Variants in LYSMD1 observed in about 807,000 individuals in gnomAD.
The protein encoded by LYSMD1 is LysM domain containing 1, also known as lysM and putative peptidoglycan-binding domain-containing protein 1.
Under a neutral mutation model 19.3 loss-of-function variants are expected in LYSMD1, and 9 were observed. That is an observed-to-expected ratio of 0.47 (90% confidence interval 0.28 to 0.81). The LOEUF is 0.81. Ranked by LOEUF, LYSMD1 falls within the 40% of genes least tolerant of loss-of-function variation. The pLI, the probability that LYSMD1 is intolerant of heterozygous loss-of-function variation, is 0.11. For synonymous variants in LYSMD1, 111 were observed against 111.7 expected, an observed-to-expected ratio of 0.99 and a Z score of 0.04; for missense variants, 262 against 279.8, an observed-to-expected ratio of 0.94 and a Z score of 0.45.
the LYSMD1 span, among the ~76,000 whole-genome samples, chr1:151,154,305 C>T: frequency 6.6e-6 from 1 of 152,054 alleles, no homozygotes; most frequent in African/African-American, 2.4e-5. Context: ...CATGGCGAAA[C>T]CCTGTCTCTA....
In LYSMD1 at chr1:151,160,850, C is replaced by T; in HGVS notation, c.*32G>A. 6.3e-7 allele frequency: 1 copy of T among 1,594,144 alleles called. No homozygotes were observed. The highest frequency in any genetic ancestry group is 1.7e-4 in the Middle Eastern group (1 of 6,000). On this transcript the variant is annotated 3_prime_UTR_variant, in exon 3 of 3. Coordinates refer to ENST00000368908, the MANE Select transcript of LYSMD1 (RefSeq NM_212551.5). Reference sequence around the variant, plus strand: ...TCTCCCCCTGAAGTTTCTCTTTCAACATCTTGCTTCTCTCAGTCAGTTCTG... The same window carrying T: ...TCTCCCCCTGAAGTTTCTCTTTCAATATCTTGCTTCTCTCAGTCAGTTCTG...
At chr1:151,164,973 C>T in intron 1 of LYSMD1, 106 bp downstream of exon 1, 2 of 930,936 alleles carry the variant, frequency 2.1e-6, no homozygotes, top group Non-Finnish European at 1.6e-6. Flanking sequence ...CAGAGTGCAA[C>T]ACATTAGGAA....
At position 151,162,087 on chromosome 1, in the gene LYSMD1, T is replaced by C. The variant is rs763182936; in HGVS notation, c.194A>G (p.Lys65Arg). Residue 65 changes from lysine to arginine, a missense_variant, in exon 2 of 3, where the codon AAA becomes AGA. Transcript: ENST00000368908. Reference sequence around the variant, plus strand: ...ATTAGTATAAAGGCGGTTTGCACGTTTAATCTGTTCCATCTTAAAAAAAAA... The same window carrying C: ...ATTAGTATAAAGGCGGTTTGCACGTCTAATCTGTTCCATCTTAAAAAAAAA... ...LKYGVTMEQI[K>R]RANRLYTNDS... 1 of 1,590,878 alleles carries C rather than the reference T, an allele frequency of 6.3e-7. No homozygotes were observed.
downstream of LYSMD1, among the ~76,000 whole-genome samples, chr1:151,156,266 C>G (rs1261783176): frequency 6.6e-6 from 1 of 152,092 alleles, no homozygotes; most frequent in Non-Finnish European, 1.5e-5. Flanking sequence ...TGTGCTCTTA[C>G]CTGGCAATCA....
At chr1:151,163,840 T>C (rs1349079876) in intron 1 of LYSMD1, among the ~76,000 whole-genome samples, 1 of 151,768 alleles carries the variant, frequency 6.6e-6, no homozygotes, top group Non-Finnish European at 1.5e-5. Context: ...CCACAGCCCC[T>C]TTCCAACTGA....
chr1:151,149,617 G>A, the LYSMD1 span, among the ~76,000 whole-genome samples: 13 of 152,086 alleles, frequency 8.5e-5, no homozygotes, highest in East Asian at 1.9e-3. Context: ...CGGGCGTGGC[G>A]GTGTGCGCCT....
At chr1:151,161,087 G>C (rs2101687204) in intron 2 of LYSMD1, 67 bp from the exon 3 acceptor site, 2 of 1,557,010 alleles carry the variant, frequency 1.3e-6, no homozygotes, top group East Asian at 2.3e-5. Flanking sequence ...GGCCAAGTGA[G>C]AGGTACATGG....
In LYSMD1 at chr1:151,165,267, C is replaced by A; in HGVS notation, c.-9G>T. The A allele has an allele frequency of 6.2e-7, 1 of 1,609,812 alleles. No homozygotes were observed. On this transcript the variant is annotated 5_prime_UTR_variant, in exon 1 of 3. Coordinates refer to ENST00000368908, the MANE Select transcript of LYSMD1 (RefSeq NM_212551.5). ...CTAGACGGGGAAGCCATCTCTTCAC[C>A]CTGCCAACAGCTAAGGTTGCAACTA...
At chr1:151,157,559 T>C (rs1052437101), downstream of LYSMD1, among the ~76,000 whole-genome samples, 1 of 152,184 alleles carries the variant, frequency 6.6e-6, no homozygotes. Flanking sequence ...AGGTGTTGGC[T>C]TCTCGTGCTT....
At chr1:151,157,129 G>T (rs955113492), downstream of LYSMD1, among the ~76,000 whole-genome samples, 1 of 152,168 alleles carries the variant, frequency 6.6e-6, no homozygotes, top group African/African-American at 2.4e-5. Flanking sequence ...GGCAATGGGG[G>T]CAATGGAGAG....
At chr1:151,162,819 T>A (rs1683499578) in intron 1 of LYSMD1, among the ~76,000 whole-genome samples, 1 of 152,192 alleles carries the variant, frequency 6.6e-6, no homozygotes, top group African/African-American at 2.4e-5. Context: ...CTGCCAAAGA[T>A]TTAAAATAGA....
At chr1:151,159,020 A>G, downstream of LYSMD1, 1 of 1,614,230 alleles carries the variant, frequency 6.2e-7, no homozygotes, top group Non-Finnish European at 8.5e-7. Flanking sequence ...GGTGAGGTAG[A>G]CTTCACCTTC....
At chr1:151,148,624 A>T in the LYSMD1 span, among the ~76,000 whole-genome samples, 1 of 152,230 alleles carries the variant, frequency 6.6e-6, no homozygotes, top group African/African-American at 2.4e-5. Context: ...TTCTCCGAAG[A>T]CTGCACAGAA....
At chr1:151,158,935 G>T, downstream of LYSMD1, 1 of 1,614,248 alleles carries the variant, frequency 6.2e-7, no homozygotes, top group Non-Finnish European at 8.5e-7. Flanking sequence ...TGGCTCCTTT[G>T]GCCCCAGTGA....
At chr1:151,164,963 C>G in intron 1 of LYSMD1, 116 bp downstream of exon 1, 1 of 836,972 alleles carries the variant, frequency 1.2e-6, no homozygotes, top group Non-Finnish European at 1.9e-6. Flanking sequence ...AAAGGCAGAA[C>G]AGAGTGCAAC....
chr1:151,156,652 C>T (rs992832703), downstream of LYSMD1: 2 of 152,190 alleles, frequency 1.3e-5, no homozygotes, highest in African/African-American at 4.8e-5. Context: ...GGCTCTCACA[C>T]TAAGTGAAGC....
At chr1:151,163,208 C>T (rs1683514816) in intron 1 of LYSMD1, among the ~76,000 whole-genome samples, 1 of 152,042 alleles carries the variant, frequency 6.6e-6, no homozygotes. Flanking sequence ...CATCAACTAT[C>T]ACTCCCTTTG....
chr1:151,149,117 G>A, the LYSMD1 span, among the ~76,000 whole-genome samples: 4 of 152,148 alleles, frequency 2.6e-5, no homozygotes, highest in East Asian at 1.9e-4. Context: ...TTGGCTGGGC[G>A]AGGTGGCTCA....
At chr1:151,159,078 G>C (rs375584079), downstream of LYSMD1, 198 of 1,614,022 alleles carry the variant, frequency 1.2e-4, no homozygotes, top group Non-Finnish European at 1.7e-4. Context: ...GGGATGTGCT[G>C]CTAGAGTTGG....
Sources: allele counts gnomAD v4.1 joint callset (sites outside exome capture counted in the v4.1 genomes callset), GRCh38; gene constraint gnomAD v4.1.1; transcripts MANE v1.5; gene names NCBI Gene and HGNC (gene_info 2026-07-23, HGNC 2026-07-21).